CNTN4: variants seen among roughly 807,000 people sequenced by gnomAD.
CNTN4 encodes the protein contactin 4, also known as contactin-4.
In CNTN4, 77 loss-of-function variants were observed where a neutral mutation model predicts 122.5. That is an observed-to-expected ratio of 0.63 (90% CI 0.52 to 0.76). The LOEUF (loss-of-function observed/expected upper bound fraction) is 0.76. CNTN4 is among the 30% of genes least tolerant of loss of function. The pLI, the probability that CNTN4 is intolerant of heterozygous loss-of-function variation, is 0.00. For missense variants in CNTN4, 1,256 were observed against 1,259.1 expected, an observed-to-expected ratio of 1.00 and a Z score of 0.04; for synonymous variants, 512 against 447.0, an observed-to-expected ratio of 1.15 and a Z score of -1.83.
At chr3:2,533,254 A>G (rs1433614004) in intron 3 of CNTN4, among the ~76,000 whole-genome samples, 1 of 151,600 alleles carries the variant, frequency 6.6e-6, no homozygotes, top group Non-Finnish European at 1.5e-5. Flanking sequence ...ATTTAGCATT[A>G]GGTATATCTC....
At chr3:2,282,838 C>T (rs1007667707) in intron 2 of CNTN4, among the ~76,000 whole-genome samples, 5 of 152,082 alleles carry the variant, frequency 3.3e-5, no homozygotes, top group Admixed American at 1.3e-4. Flanking sequence ...AGTTCTAATA[C>T]GTGTTACAAG....
At chr3:2,871,223 T>A (rs1037039896) in intron 8 of CNTN4, among the ~76,000 whole-genome samples, 5 of 152,212 alleles carry the variant, frequency 3.3e-5, no homozygotes, top group Non-Finnish European at 7.3e-5. Flanking sequence ...GGTAACAACA[T>A]CTACCTCAGA....
intron 6 of CNTN4, among the ~76,000 whole-genome samples, chr3:2,758,389 T>G (rs1047941272): frequency 6.6e-6 from 1 of 152,132 alleles, no homozygotes; most frequent in Non-Finnish European, 1.5e-5. Context: ...TCTATTTCCT[T>G]AAACAAAGAA....
intron 6 of CNTN4, among the ~76,000 whole-genome samples, chr3:2,818,937 T>C (rs1004963171): frequency 4.6e-5 from 7 of 152,216 alleles, no homozygotes; most frequent in African/African-American, 1.7e-4. Flanking sequence ...ACTCTGGGTA[T>C]ATATGGAGAG....
At chr3:2,277,899 T>A (rs956032019) in intron 2 of CNTN4, among the ~76,000 whole-genome samples, 3 of 152,206 alleles carry the variant, frequency 2.0e-5, no homozygotes, top group African/African-American at 7.2e-5. Flanking sequence ...TTCAGTGGAA[T>A]CAGCACAATA....
At chr3:2,471,464 C>A (rs2075679890) in intron 3 of CNTN4, among the ~76,000 whole-genome samples, 1 of 152,168 alleles carries the variant, frequency 6.6e-6, no homozygotes, top group Non-Finnish European at 1.5e-5. Context: ...TGTTCTAGAA[C>A]TAATGGAATA....
chr3:2,826,603 C>T (rs947781251), intron 7 of CNTN4, among the ~76,000 whole-genome samples: 3 of 152,146 alleles, frequency 2.0e-5, no homozygotes, highest in African/African-American at 7.2e-5. Context: ...TTCTCTGAGC[C>T]CTATTTCTTC....
rs977718744 is a variant in CNTN4, at chr3:2,231,383, C to T, written c.-144-107795C>T. ...CCCTAATCCATCCCCTTAACTCCCC[C>T]ACATTTTGTCATTCAGATGATCTCC... On this transcript the variant is annotated intron_variant, in intron 2 of 24. Coordinates refer to ENST00000418658, the MANE Select transcript of CNTN4 (RefSeq NM_175607.3). Among the ~76,000 whole-genome samples the T allele has an allele frequency of 5.3e-5, 8 of 152,270 alleles. No individual in the cohort carries two copies. The South Asian group carries it at 1.7e-3, about 32-fold the overall frequency.
intron 7 of CNTN4, among the ~76,000 whole-genome samples, chr3:2,821,429 A>G (rs1339872884): frequency 6.6e-6 from 1 of 152,190 alleles, no homozygotes; most frequent in Admixed American, 6.5e-5. Context: ...CAAAGACAAA[A>G]GGCAATGATT....
At chr3:2,766,728 C>G (rs570260996) in intron 6 of CNTN4, among the ~76,000 whole-genome samples, 3 of 152,186 alleles carry the variant, frequency 2.0e-5, no homozygotes, top group African/African-American at 7.2e-5. Context: ...ACCCCCTGTT[C>G]CCCCAAATCC....
rs529541610 is a variant in CNTN4 at position 2,130,587 on chromosome 3, A to G, written c.-145+29948A>G. ...TATGTAAATTTGTTCCTTTGGCACA[A>G]TTTGCCTATATAAGCAGTATTAGTT... On this transcript the variant is annotated intron_variant, in intron 2 of 24. Transcript: ENST00000418658. Among the ~76,000 whole-genome samples, 8 of 152,280 alleles carry G rather than the reference A, an allele frequency of 5.3e-5. No individual in the cohort carries two copies. In the East Asian group the frequency reaches 5.8e-4, roughly 11 times the overall value.
chr3:2,745,592 T>C lies in CNTN4; in HGVS notation c.253T>C (p.Leu85=), dbSNP rs1480632629. Residue 85 remains leucine, a synonymous_variant, in exon 6 of 25, where the codon TTG becomes CTG. Transcript: ENST00000418658. ...CTACAGTGTTGTTGAAGGGAGCTTGTTGATCAATAACCCCAATAAAACCCA... is the reference window on the plus strand; with the variant it reads ...CTACAGTGTTGTTGAAGGGAGCTTGCTGATCAATAACCCCAATAAAACCCA... The part of the protein sequence containing the change: ...FRYSVVEGSL[L]INNPNKTQDA... 1.9e-6 allele frequency: 3 copies of C among 1,614,148 alleles called. No homozygotes were observed. Among genetic ancestry groups the C allele is most frequent in the East Asian group, 4.5e-5 (2 of 44,876 alleles).
intron 4 of CNTN4, among the ~76,000 whole-genome samples, chr3:2,689,996 A>G (rs540927435): frequency 1.3e-5 from 2 of 152,102 alleles, no homozygotes; most frequent in Admixed American, 1.3e-4. Flanking sequence ...ATCACTTTCT[A>G]TTTTTGTTGC....
intron 4 of CNTN4, among the ~76,000 whole-genome samples, chr3:2,571,796 G>C (rs1309840983): frequency 6.6e-6 from 1 of 152,170 alleles, no homozygotes; most frequent in African/African-American, 2.4e-5. Flanking sequence ...TCCTTTTAGA[G>C]TCGTTTGAGC....
intron 4 of CNTN4, among the ~76,000 whole-genome samples, chr3:2,575,410 C>T (rs984298834): frequency 1.3e-5 from 2 of 151,994 alleles, no homozygotes; most frequent in African/African-American, 4.8e-5. Flanking sequence ...GCTCGGGAGG[C>T]TGAGGCATGA....
At chr3:2,506,821 C>T (rs2149041478) in intron 3 of CNTN4, among the ~76,000 whole-genome samples, 1 of 151,990 alleles carries the variant, frequency 6.6e-6, no homozygotes, top group Non-Finnish European at 1.5e-5. Context: ...AGAGGGAGTG[C>T]AAGAGAGGCT....
intron 14 of CNTN4, among the ~76,000 whole-genome samples, chr3:2,990,960 C>A (rs567712954): frequency 1.3e-5 from 2 of 151,984 alleles, no homozygotes; most frequent in South Asian, 4.2e-4. Context: ...ATAATAACAA[C>A]AATATTTCAA....
intron 3 of CNTN4, among the ~76,000 whole-genome samples, chr3:2,562,255 G>C (rs925308825): frequency 6.6e-6 from 1 of 151,946 alleles, no homozygotes; most frequent in African/African-American, 2.4e-5. Context: ...TAAATTCAGG[G>C]GGTACTTGTG....
In CNTN4 at chr3:2,771,867, A is replaced by C. The variant is rs183221918; in HGVS notation, c.358+26170A>C. Among the ~76,000 whole-genome samples the C allele has an allele frequency of 7.9e-5, 12 of 152,318 alleles. No individual in the cohort carries two copies. In the East Asian group the frequency reaches 2.1e-3, roughly 27 times the overall value. ...TGGGGTACACAGTAGGCTCCCCAAG[A>C]GAGACAGTGACTGAGCAGAGTCTTG... On this transcript the variant is annotated intron_variant, in intron 6 of 24. Transcript: ENST00000418658.
Sources: gnomAD v4.1 joint callset for allele counts (sites outside exome capture counted in the v4.1 genomes callset) on GRCh38, gnomAD v4.1.1 for gene constraint, MANE v1.5 for transcripts, NCBI Gene and HGNC (gene_info 2026-07-23, HGNC 2026-07-21) for gene names.